The following BCAS3 variants were observed in gnomAD, a reference collection of about 807,000 sequenced individuals.
BCAS3 encodes BCAS3 microtubule associated cell migration factor, also known as BCAS4/BCAS3 fusion.
A neutral mutation model predicts 116.1 loss-of-function variants in BCAS3; 53 were observed. That is an observed-to-expected ratio of 0.46 (90% CI 0.37 to 0.57). The LOEUF is 0.57. Among genes scored for constraint, BCAS3 ranks in the 20% least tolerant of loss-of-function variants. The pLI, the probability that BCAS3 is intolerant of heterozygous loss-of-function variation, is 0.00. For missense variants in BCAS3, 917 were observed against 1,165.4 expected, an observed-to-expected ratio of 0.79 and a Z score of 3.10; for synonymous variants, 391 against 408.2, an observed-to-expected ratio of 0.96 and a Z score of 0.51.
At chr17:60,719,048 C>T (rs750591817) in intron 5 of BCAS3, among the ~76,000 whole-genome samples, 3 of 151,846 alleles carry the variant, frequency 2.0e-5, no homozygotes, top group Admixed American at 6.6e-5. Context: ...GGCGACAGAG[C>T]GAGGCTCTGT....
intron 15 of BCAS3, among the ~76,000 whole-genome samples, chr17:61,003,372 GCCCTCCCCTC>G (rs748637308): frequency 6.4e-4 from 75 of 118,098 alleles, no homozygotes; most frequent in East Asian, 1.8e-3. Context: ...CTTTTATTAT[GCCCTCCCCTC>G]CCCTCCCCTC....
chr17:60,827,811 T>C (rs2050569488), intron 7 of BCAS3, among the ~76,000 whole-genome samples: 1 of 152,174 alleles, frequency 6.6e-6, no homozygotes, highest in Admixed American at 6.5e-5. Context: ...ATCTTCACTT[T>C]GTAATGAGGT....
rs1436193407 is a variant in BCAS3, at chr17:61,220,657, A to G, written c.2425+136093A>G. ...GCCAAAGACAGTTCTTGATCTCTAC[A>G]CCCAGTGACAACAGGGTACTCAAAA... On this transcript the variant is annotated intron_variant, in intron 22 of 23. Coordinates refer to ENST00000407086, the MANE Select transcript of BCAS3 (RefSeq NM_017679.5). The surrounding 1 kb of genome is among the most constrained non-coding windows in gnomAD (Gnocchi z 4.5). Among the ~76,000 whole-genome samples the G allele has an allele frequency of 6.6e-6, 1 of 152,092 alleles. No homozygotes were observed. Among genetic ancestry groups the G allele is most frequent in the Non-Finnish European group, 1.5e-5 (1 of 68,016 alleles).
intron 2 of BCAS3, among the ~76,000 whole-genome samples, chr17:60,680,192 A>G (rs2032816309): frequency 6.6e-6 from 1 of 151,886 alleles, no homozygotes. Flanking sequence ...ATTAGAAAAT[A>G]TAGCTGAGAG....
intron 15 of BCAS3, among the ~76,000 whole-genome samples, chr17:60,997,081 A>AT (rs1391306380): frequency 9.2e-5 from 14 of 152,134 alleles, no homozygotes; most frequent in African/African-American, 3.4e-4. Flanking sequence ...CATGAATTAG[A>AT]TTCTCATAAG....
rs141884241 is a variant in BCAS3 at position 61,326,882 on chromosome 17, C to G, written c.2426-41445C>G. On this transcript the variant is annotated intron_variant, in intron 22 of 23. Transcript: ENST00000407086. The surrounding 1 kb of genome is among the most constrained non-coding windows in gnomAD (Gnocchi z 5.3). ...GATAAAAAGATGGATTGGACACCAT[C>G]TCTCCCTTTAGGCAACTCAAAATCT... Among the ~76,000 whole-genome samples, 81 of 152,036 alleles carry G rather than the reference C, an allele frequency of 5.3e-4. 1 individual carries two copies. In the East Asian group the frequency reaches 0.014, roughly 27 times the overall value.
rs552388977 is a variant in BCAS3, at chr17:60,820,170, A to G, written c.476+12094A>G. 4.6e-5 allele frequency among the ~76,000 whole-genome samples: 7 copies of G among 150,964 alleles called. No individual in the cohort carries two copies. In the East Asian group the frequency reaches 1.4e-3, roughly 30 times the overall value. On this transcript the variant is annotated intron_variant, in intron 7 of 23. Transcript: ENST00000407086. ...ACTGCAAGCTCTGCCTCCCGGGTTC[A>G]TGCCATTCTGCCTCAGCCTCCCGAG...
chr17:61,150,956 C>G (rs961846291), intron 22 of BCAS3, among the ~76,000 whole-genome samples: 13 of 152,182 alleles, frequency 8.5e-5, no homozygotes, highest in Admixed American at 6.5e-4. Context: ...TCCCTGGGAG[C>G]CCAGTTGAAG....
At position 61,128,422 on chromosome 17, in the gene BCAS3, C is replaced by A; in HGVS notation, c.2425+43858C>A. On this transcript the variant is annotated intron_variant, in intron 22 of 23. Transcript: ENST00000407086. The surrounding 1 kb of genome is among the most constrained non-coding windows in gnomAD (Gnocchi z 4.1). ...AGTAGATATACATTCAGACAAATCA[C>A]CCTGCAGTTATTGCTCAACAGAGTA... The A allele has an allele frequency of 1.0e-6, 1 of 985,364 alleles. No homozygotes were observed. The highest frequency in any genetic ancestry group is 1.2e-6 in the Non-Finnish European group (1 of 829,910). The allele number at this position is 985,364 out of a possible 1,614,324, so 61.0% of individuals were successfully genotyped here. A position where few individuals can be genotyped will look rare whatever the true frequency, so the allele number is the denominator to read the frequency against.
At chr17:60,981,586 A>G (rs1014162791) in intron 14 of BCAS3, among the ~76,000 whole-genome samples, 1 of 152,174 alleles carries the variant, frequency 6.6e-6, no homozygotes, top group Admixed American at 6.5e-5. Context: ...CCCAGCCACA[A>G]GAGTGATAGC....
intron 22 of BCAS3, among the ~76,000 whole-genome samples, chr17:61,288,727 A>G (rs1324886077): frequency 2.0e-4 from 30 of 152,150 alleles, no homozygotes; most frequent in Non-Finnish European, 1.5e-5. Context: ...TAATGCAGAG[A>G]TGCCTAGAAA....
chr17:61,364,349 GT>G lies in BCAS3; in HGVS notation c.2426-3973del. On this transcript the variant is annotated intron_variant, in intron 22 of 23. Coordinates refer to ENST00000407086, the MANE Select transcript of BCAS3 (RefSeq NM_017679.5). This position sits in a 1 kb window ranked among gnomAD's most constrained non-coding sequence, Gnocchi z 5.4. ...CTCGGGCTGGTTGGGAGTGGGAAGGGTTTTTAAATGTCATTGGTTGAAGGTG... is the reference window on the plus strand; with the variant it reads ...CTCGGGCTGGTTGGGAGTGGGAAGGGTTTTAAATGTCATTGGTTGAAGGTG... Among the ~76,000 whole-genome samples the G allele has an allele frequency of 6.6e-6, 1 of 152,236 alleles. No individual in the cohort carries two copies. The highest frequency in any genetic ancestry group is 1.9e-4 in the East Asian group (1 of 5,194).
At chr17:61,274,149 C>G (rs563854593) in intron 22 of BCAS3, among the ~76,000 whole-genome samples, 177 of 151,672 alleles carry the variant, frequency 1.2e-3, no homozygotes, top group African/African-American at 4.2e-3. Flanking sequence ...GTGATGTTCC[C>G]CTTCCTGTGT....
At chr17:61,295,626 C>T (rs1269788521) in intron 22 of BCAS3, among the ~76,000 whole-genome samples, 2 of 152,138 alleles carry the variant, frequency 1.3e-5, no homozygotes, top group African/African-American at 2.4e-5. Context: ...AAAAAACTGT[C>T]GTGTTGGGAT....
chr17:60,971,468 C>G (rs1167628220), intron 14 of BCAS3, among the ~76,000 whole-genome samples: 2 of 152,094 alleles, frequency 1.3e-5, no homozygotes, highest in Non-Finnish European at 2.9e-5. Flanking sequence ...TTTACCTAAC[C>G]CTGAATTAAA....
chr17:60,864,164 G>C (rs1187930918), intron 7 of BCAS3, among the ~76,000 whole-genome samples: 2 of 152,202 alleles, frequency 1.3e-5, no homozygotes, highest in Non-Finnish European at 2.9e-5. Flanking sequence ...GATTTTCCTG[G>C]AATCAAGGAG....
intron 6 of BCAS3, among the ~76,000 whole-genome samples, chr17:60,752,701 A>G (rs766968516): frequency 4.0e-5 from 6 of 150,132 alleles, no homozygotes; most frequent in Non-Finnish European, 7.4e-5. Flanking sequence ...ATTTTGATGC[A>G]TGCTGTAAAA....
Position 61,242,654 on chromosome 17 carries a change from A to G in BCAS3, c.2426-125673A>G, listed in dbSNP as rs531769763. ...AAAGAGTCTGGAATTTAAGAAGCTA[A>G]GGGAAAATATATGTCCAGAGCCTAT... On this transcript the variant is annotated intron_variant, in intron 22 of 23. Transcript: ENST00000407086. 5.9e-5 allele frequency among the ~76,000 whole-genome samples: 9 copies of G among 152,330 alleles called. No individual in the cohort carries two copies. In the South Asian group the frequency reaches 1.9e-3, roughly 32 times the overall value.
chr17:60,918,048 A>T (rs923565564), intron 12 of BCAS3, among the ~76,000 whole-genome samples: 21 of 152,048 alleles, frequency 1.4e-4, no homozygotes, highest in Middle Eastern at 3.2e-3. Context: ...TTACCAAGCT[A>T]TTTTTCACAG....
Sources: allele counts gnomAD v4.1 joint callset (sites outside exome capture counted in the v4.1 genomes callset), GRCh38; gene constraint gnomAD v4.1.1; non-coding constraint Gnocchi (gnomAD v3.1); transcripts MANE v1.5; gene names NCBI Gene and HGNC (gene_info 2026-07-23, HGNC 2026-07-21).